ADAMTS2: variants seen among roughly 807,000 people sequenced by gnomAD.
The protein encoded by ADAMTS2 is A disintegrin and metalloproteinase with thrombospondin motifs 2.
ADAMTS2 carries 50 observed loss-of-function variants against 123.0 expected under a neutral mutation model. The observed-to-expected ratio is 0.41, with a 90% CI of 0.32 to 0.51. The LOEUF (loss-of-function observed/expected upper bound fraction) is 0.51. ADAMTS2 is among the 20% of genes least tolerant of loss of function. The pLI, the probability that ADAMTS2 is intolerant of heterozygous loss-of-function variation, is 0.35. For synonymous variants in ADAMTS2, 678 were observed against 695.4 expected, an observed-to-expected ratio of 0.98 and a Z score of 0.39; for missense variants, 1,494 against 1,705.2, an observed-to-expected ratio of 0.88 and a Z score of 2.18.
chr5:179,322,712 G>A (rs1757220504), intron 2 of ADAMTS2, among the ~76,000 whole-genome samples: 1 of 152,240 alleles, frequency 6.6e-6, no homozygotes, highest in Non-Finnish European at 1.5e-5. Context: ...CCGCAGGCAG[G>A]TGGGGCCCAG....
chr5:179,138,417 G>A (rs11950372), intron 11 of ADAMTS2, among the ~76,000 whole-genome samples: 4,117 of 152,304 alleles, frequency 0.027, 223 homozygotes, highest in African/African-American at 0.093. Context: ...CCAGAGTCCC[G>A]GTGCTGCAGT....
rs1444801359 is a variant in ADAMTS2, at chr5:179,139,891, G to C, written c.1774C>G (p.His592Asp). ...KFRTRQCDNP[H>D]PANGGRTCSG... ...CAGGGGGACATGGGGCCAACTCACTGTGGGTTGTCACACTGGCGGGTCCTG... is the reference window on the plus strand; with the variant it reads ...CAGGGGGACATGGGGCCAACTCACTCTGGGTTGTCACACTGGCGGGTCCTG... The change falls in exon 11 of 22, where the codon CAC becomes GAC. Residue 592 changes from histidine to aspartate, a missense_variant and splice_region_variant. Coordinates refer to ENST00000251582, the MANE Select transcript of ADAMTS2 (RefSeq NM_014244.5). 1 of 1,612,338 alleles carries C rather than the reference G, an allele frequency of 6.2e-7. No homozygotes were observed. Among genetic ancestry groups the C allele is most frequent in the Admixed American group, 1.7e-5 (1 of 60,022 alleles).
At chr5:179,221,756 C>T (rs576352332) in intron 3 of ADAMTS2, among the ~76,000 whole-genome samples, 62 of 152,266 alleles carry the variant, frequency 4.1e-4, no homozygotes, top group Non-Finnish European at 7.1e-4. Flanking sequence ...ACCACGCCCC[C>T]CTCAGCTCAA....
chr5:179,122,604 T>C lies in ADAMTS2; in HGVS notation c.3088+40A>G, dbSNP rs1027799593. 10 of 1,546,288 alleles carry C rather than the reference T, an allele frequency of 6.5e-6. No individual in the cohort carries two copies. In the Admixed American group the frequency reaches 2.0e-4, roughly 30 times the overall value. ...CTCTGACACCCCCGCCCTGGGCTGC[T>C]GCATGCTGGGAGCAGGGGCAGGGGC... On this transcript the variant is annotated intron_variant, in intron 20 of 21. Coordinates refer to ENST00000251582, the MANE Select transcript of ADAMTS2 (RefSeq NM_014244.5).
At chr5:179,119,716 A>C (rs1762721119) in intron 21 of ADAMTS2, among the ~76,000 whole-genome samples, 1 of 152,154 alleles carries the variant, frequency 6.6e-6, no homozygotes, top group Non-Finnish European at 1.5e-5. Flanking sequence ...CCCAAGGCCG[A>C]GAACTGTGCC....
chr5:179,190,520 C>T (rs529052047), intron 4 of ADAMTS2, among the ~76,000 whole-genome samples: 2 of 152,152 alleles, frequency 1.3e-5, no homozygotes, highest in Non-Finnish European at 2.9e-5. Context: ...TTAGAGAGTG[C>T]CCAAGGGGGT....
At chr5:179,299,330 C>T (rs1039567789) in intron 2 of ADAMTS2, among the ~76,000 whole-genome samples, 18 of 70,530 alleles carry the variant, frequency 2.6e-4, no homozygotes, top group South Asian at 1.3e-3. Context: ...GAGATGGAGA[C>T]CATCCTGGCT....
intron 3 of ADAMTS2, among the ~76,000 whole-genome samples, chr5:179,248,430 CAG>C (rs1765851829): frequency 6.6e-6 from 1 of 151,958 alleles, no homozygotes; most frequent in African/African-American, 2.4e-5. Flanking sequence ...AATTAAAATT[CAG>C]AGAATGGGAG....
At chr5:179,150,121 A>AGCTCCTGTTCCT (rs1554125763) in intron 10 of ADAMTS2, among the ~76,000 whole-genome samples, 1 of 100,794 alleles carries the variant, frequency 9.9e-6, no homozygotes, top group Non-Finnish European at 2.6e-5. Context: ...GGGCCCCACC[A>AGCTCCTGTTCCT]GCTCCTGCTC....
chr5:179,121,569 A>G, intron 21 of ADAMTS2, 92 bp downstream of exon 21: 4 of 1,082,744 alleles, frequency 3.7e-6, no homozygotes, highest in Non-Finnish European at 5.3e-6. Context: ...GGAGCTTTCC[A>G]TAGACAGAGA....
chr5:179,340,908 C>T (rs1757753840), intron 2 of ADAMTS2, among the ~76,000 whole-genome samples: 3 of 152,198 alleles, frequency 2.0e-5, no homozygotes, highest in South Asian at 4.1e-4. Context: ...AAAACTCTTC[C>T]GCAGCAACGT....
rs144913850 is a variant in ADAMTS2 at position 179,308,287 on chromosome 5, T to C, written c.535-35223A>G. ...TTGTCTTAGCAGCAGGAGACGCTGA[T>C]GGGATGTCGGGAGTCACCAGGACCA... is the stretch of plus-strand genomic sequence containing the variant. On this transcript the variant is annotated intron_variant, in intron 2 of 21. Transcript: ENST00000251582. This position sits in a 1 kb window ranked among gnomAD's most constrained non-coding sequence, Gnocchi z 6.6. Among the ~76,000 whole-genome samples, 73 of 152,278 alleles carry C rather than the reference T, an allele frequency of 4.8e-4. No homozygotes were observed. In the South Asian group the frequency reaches 6.4e-3, roughly 13 times the overall value.
rs1301368763 is a variant in ADAMTS2 at position 179,130,133 on chromosome 5, C to A, written c.2291-35G>T. 1.2e-6 allele frequency: 2 copies of A among 1,613,294 alleles called. No homozygotes were observed. Among genetic ancestry groups the A allele is most frequent in the South Asian group, 2.2e-5 (2 of 90,916 alleles). On this transcript the variant is annotated intron_variant, in intron 15 of 21. Coordinates refer to ENST00000251582, the MANE Select transcript of ADAMTS2 (RefSeq NM_014244.5). The surrounding 1 kb of genome is among the most constrained non-coding windows in gnomAD (Gnocchi z 4.3). ...GCAAGACCAAGTCCCCCGTTGTGGT[C>A]ACCCAAGAGCAGGACCCAGGCCCAC... is the stretch of plus-strand genomic sequence containing the variant.
chr5:179,246,891 A>G (rs1296428149), intron 3 of ADAMTS2, among the ~76,000 whole-genome samples: 2 of 152,214 alleles, frequency 1.3e-5, no homozygotes, highest in Non-Finnish European at 1.5e-5. Flanking sequence ...AACAAGCAAC[A>G]ACACATAAAA....
At position 179,272,992 on chromosome 5, in the gene ADAMTS2, C is replaced by T. The variant is rs543859669; in HGVS notation, c.607G>A (p.Ala203Thr). The T allele has an allele frequency of 9.7e-5, 156 of 1,613,262 alleles. No homozygotes were observed. In the South Asian group the frequency reaches 1.7e-3, roughly 17 times the overall value. ...ACCACATGCACACGGCCTTGCTCAG[C>T]CTCCTGCGCCGCCAGCCCCTTCTCC... ...PLEKGLAAQEAEQGRVHVVYR... is the reference protein window; with the variant it reads ...PLEKGLAAQETEQGRVHVVYR... Residue 203 changes from alanine (A) to threonine (T), a missense_variant, in exon 3 of 22, where the codon GCT becomes ACT. Transcript: ENST00000251582. The surrounding 1 kb of genome is among the most constrained non-coding windows in gnomAD (Gnocchi z 5.8).
In ADAMTS2 at chr5:179,155,708, G is replaced by A. The variant is rs891724451; in HGVS notation, c.1133-789C>T. Among the ~76,000 whole-genome samples the A allele has an allele frequency of 3.9e-5, 6 of 152,176 alleles. No individual in the cohort carries two copies. The highest frequency in any genetic ancestry group is 1.4e-4 in the African/African-American group (6 of 41,436). ...GCTCCTGTCTCAGCAGAGGGAGGCG[G>A]CTTGGAAAGATAGGGAAGTGCCTAC... On this transcript the variant is annotated intron_variant, in intron 6 of 21. Coordinates refer to ENST00000251582, the MANE Select transcript of ADAMTS2 (RefSeq NM_014244.5). This position sits in a 1 kb window ranked among gnomAD's most constrained non-coding sequence, Gnocchi z 5.1.
intron 3 of ADAMTS2, among the ~76,000 whole-genome samples, chr5:179,270,634 A>T (rs1460487611): frequency 6.6e-6 from 1 of 152,018 alleles, no homozygotes; most frequent in Non-Finnish European, 1.5e-5. Flanking sequence ...CCCAGTTGCC[A>T]CTCTGGGCCC....
At chr5:179,294,811 A>G (rs1756285694) in intron 2 of ADAMTS2, among the ~76,000 whole-genome samples, 1 of 152,188 alleles carries the variant, frequency 6.6e-6, no homozygotes, top group Non-Finnish European at 1.5e-5. Context: ...AAATCCTTCA[A>G]TTCCCTCATT....
chr5:179,313,190 GCACACGCATT>G (rs1756878644), intron 2 of ADAMTS2, among the ~76,000 whole-genome samples: 1 of 152,112 alleles, frequency 6.6e-6, no homozygotes, highest in Non-Finnish European at 1.5e-5. Flanking sequence ...AAGAGGGGAC[GCACACGCATT>G]CACACTCATG....
Sources: gnomAD v4.1 joint callset for allele counts (sites outside exome capture counted in the v4.1 genomes callset) on GRCh38, gnomAD v4.1.1 for gene constraint, Gnocchi (gnomAD v3.1) non-coding constraint, MANE v1.5 for transcripts, NCBI Gene and HGNC (gene_info 2026-07-23, HGNC 2026-07-21) for gene names.